The following GAS6 variants were observed in gnomAD, a reference collection of about 807,000 sequenced individuals.
GAS6 encodes the protein growth arrest-specific protein 6.
In GAS6, 41 loss-of-function variants were observed where a neutral mutation model predicts 75.8. That is an observed-to-expected ratio of 0.54 (90% confidence interval 0.42 to 0.70). The LOEUF is 0.70. GAS6 is among the 30% of genes least tolerant of loss of function. The pLI, the probability that GAS6 is intolerant of heterozygous loss-of-function variation, is 0.00. For missense variants in GAS6, 854 were observed against 940.2 expected (o/e 0.91, Z 1.20); for synonymous variants, 432 against 412.6 (o/e 1.05, Z -0.57).
intron 12 of GAS6, among the ~76,000 whole-genome samples, chr13:113,824,075 G>T (rs920666294): frequency 2.0e-4 from 30 of 147,780 alleles, no homozygotes; most frequent in African/African-American, 7.5e-4. Context: ...GCGCGGTCTG[G>T]GGTCTGAGCT....
At chr13:113,858,765 G>A (rs936083490) in intron 2 of GAS6, among the ~76,000 whole-genome samples, 1 of 151,954 alleles carries the variant, frequency 6.6e-6, no homozygotes, top group Non-Finnish European at 1.5e-5. Flanking sequence ...GTGTGTGCGT[G>A]TCATTATGCA....
At chr13:113,834,479 C>A in intron 8 of GAS6, 72 bp downstream of exon 8, 1 of 1,395,866 alleles carries the variant, frequency 7.2e-7, no homozygotes. Flanking sequence ...GGAAGTGTTT[C>A]TCCCGAAAGC....
intron 2 of GAS6, among the ~76,000 whole-genome samples, chr13:113,857,976 C>A (rs940959876): frequency 6.6e-6 from 1 of 152,246 alleles, no homozygotes; most frequent in Non-Finnish European, 1.5e-5. Context: ...GGAGGCCGGG[C>A]CGGGGTCCAC....
At chr13:113,850,873 G>T (rs944988850) in intron 2 of GAS6, among the ~76,000 whole-genome samples, 1 of 152,184 alleles carries the variant, frequency 6.6e-6, no homozygotes, top group Non-Finnish European at 1.5e-5. Flanking sequence ...TAAATGCACA[G>T]ATGAATGAAT....
At chr13:113,828,046 T>C (rs534538367) in intron 11 of GAS6, among the ~76,000 whole-genome samples, 86 of 152,156 alleles carry the variant, frequency 5.7e-4, no homozygotes, top group Non-Finnish European at 7.6e-4. Flanking sequence ...GAGGCCGAGG[T>C]GGGCAGTTCA....
rs952400789 is a variant in GAS6 at position 113,844,677 on chromosome 13, G to A, written c.343+1850C>T. On this transcript the variant is annotated intron_variant, in intron 4 of 14. Coordinates refer to ENST00000327773, the MANE Select transcript of GAS6 (RefSeq NM_000820.4). The surrounding 1 kb of genome is among the most constrained non-coding windows in gnomAD (Gnocchi z 5.7). ...CAGAAAAAAGACTGAGGAGGGCATA[G>A]GAGACCCACCCGCGTGCATGAGGCC... 6.6e-6 allele frequency: 1 copy of A among 150,580 alleles called. No homozygotes were observed. The highest frequency in any genetic ancestry group is 2.5e-5 in the African/African-American group (1 of 40,000). 9.3% of individuals were successfully genotyped at this position (150,580 alleles called of 1,614,324 possible).
chr13:113,832,155 G>A (rs1198503540), intron 10 of GAS6, 144 bp downstream of exon 10: 3 of 916,542 alleles, frequency 3.3e-6, no homozygotes, highest in East Asian at 2.7e-5. Context: ...TGAACTAAAC[G>A]GGGCAGGGGT....
At chr13:113,834,348 G>A (rs902173620) in intron 8 of GAS6, among the ~76,000 whole-genome samples, 1 of 152,238 alleles carries the variant, frequency 6.6e-6, no homozygotes, top group African/African-American at 2.4e-5. Flanking sequence ...TGAGCTGGGA[G>A]TTGCCATAGA....
chr13:113,823,456 C>A lies in GAS6; in HGVS notation c.1572G>T (p.Ala524=). ...CGGCACGGAGGTCGGGGGCCCAGAG[C>A]GCAAACAGCACGCCTGTGTCTGCGG... is the stretch of plus-strand genomic sequence containing the variant. ...RPAADTGVLF[A]LWAPDLRAVP... The change falls in exon 13 of 15, where the codon GCG becomes GCT. Residue 524 remains alanine (A), a synonymous_variant. Coordinates refer to ENST00000327773, the MANE Select transcript of GAS6 (RefSeq NM_000820.4). 1 of 1,612,740 alleles carries A rather than the reference C, an allele frequency of 6.2e-7. No homozygotes were observed. The highest frequency in any genetic ancestry group is 8.5e-7 in the Non-Finnish European group (1 of 1,179,958).
Position 113,821,166 on chromosome 13 carries a change from G to C in GAS6, c.1883-148C>G. ...TTTCTTCTCTAACTTCTCGGTCCCCGTTCGTTTGGCCGCAGACCCGGCAGA... is the reference window on the plus strand; with the variant it reads ...TTTCTTCTCTAACTTCTCGGTCCCCCTTCGTTTGGCCGCAGACCCGGCAGA... On this transcript the variant is annotated intron_variant, in intron 14 of 14. Transcript: ENST00000327773. The C allele has an allele frequency of 4.8e-6, 4 of 832,400 alleles. No individual in the cohort carries two copies. In the East Asian group the frequency reaches 1.1e-4, roughly 22 times the overall value. 51.6% of individuals were successfully genotyped at this position (832,400 alleles called of 1,614,324 possible). A position where few individuals can be genotyped will look rare whatever the true frequency, so the allele number is the denominator to read the frequency against.
chr13:113,846,402 C>A, intron 4 of GAS6, 125 bp downstream of exon 4: 1 of 726,514 alleles, frequency 1.4e-6, no homozygotes, highest in Admixed American at 2.7e-5. Flanking sequence ...AGGGAGCAGG[C>A]CTCGGCAAGG....
rs897584782 is a variant in GAS6 at position 113,863,851 on chromosome 13, C to CCAG, written c.67_69dup (p.Leu23dup). 294 of 1,267,610 alleles carry CCAG rather than the reference C, an allele frequency of 2.3e-4. No homozygotes were observed. The highest frequency in any genetic ancestry group is 2.1e-4 in the Non-Finnish European group (214 of 1,011,368). 78.5% of individuals were successfully genotyped at this position (1,267,610 alleles called of 1,614,324 possible). A position where few individuals can be genotyped will look rare whatever the true frequency, so the allele number is the denominator to read the frequency against. Reference sequence around the variant, plus strand: ...GACTCACCAAGCGCGCACTCCGCGGCCAGCAGCAGCAGCAGCAGCTGCGGC... The same window carrying CCAG: ...GACTCACCAAGCGCGCACTCCGCGGCCAGCAGCAGCAGCAGCAGCAGCTGCGGC... On this transcript the variant is annotated inframe_insertion, in exon 1 of 15. Coordinates refer to ENST00000327773, the MANE Select transcript of GAS6 (RefSeq NM_000820.4). This position sits in a 1 kb window ranked among gnomAD's most constrained non-coding sequence, Gnocchi z 9.4.
At chr13:113,823,727 A>T (rs546190768) in intron 12 of GAS6, among the ~76,000 whole-genome samples, 177 bp from the exon 13 acceptor site, 4 of 152,192 alleles carry the variant, frequency 2.6e-5, no homozygotes, top group Admixed American at 6.5e-5. Flanking sequence ...CCCGGAGCCC[A>T]GAGGCACCGG....
chr13:113,840,080 G>A lies in GAS6; in HGVS notation c.344-230C>T, dbSNP rs558920147. On this transcript the variant is annotated intron_variant, in intron 4 of 14. Coordinates refer to ENST00000327773, the MANE Select transcript of GAS6 (RefSeq NM_000820.4). ...CCAGGAAAACTCAGATCAACTGGGA[G>A]GGAGTGCCAGCAGGCCTGGACGCAA... 14 of 561,390 alleles carry A rather than the reference G, an allele frequency of 2.5e-5. No individual in the cohort carries two copies. The African/African-American group carries it at 2.5e-4, about 10-fold the overall frequency. The allele number at this position is 561,390 out of a possible 1,614,324, so 34.8% of individuals were successfully genotyped here. A position where few individuals can be genotyped will look rare whatever the true frequency, so the allele number is the denominator to read the frequency against.
chr13:113,826,344 G>C (rs1039365638), intron 12 of GAS6, among the ~76,000 whole-genome samples: 1 of 152,186 alleles, frequency 6.6e-6, no homozygotes, highest in South Asian at 2.1e-4. Flanking sequence ...TGCTGTCTCC[G>C]GACTTTCTGC....
Position 113,846,446 on chromosome 13 carries a change from G to T in GAS6, c.343+81C>A. On this transcript the variant is annotated intron_variant, in intron 4 of 14. Transcript: ENST00000327773. Reference sequence around the variant, plus strand: ...CTCCTTAAAAAACAGAACTATTCAGGGCCCTCCACAAACCACAGCCAAGCC... The same window carrying T: ...CTCCTTAAAAAACAGAACTATTCAGTGCCCTCCACAAACCACAGCCAAGCC... 2.5e-6 allele frequency: 3 copies of T among 1,187,816 alleles called. No homozygotes were observed. The South Asian group carries it at 3.7e-5, about 15-fold the overall frequency. 73.6% of individuals were successfully genotyped at this position (1,187,816 alleles called of 1,614,324 possible). A position where few individuals can be genotyped will look rare whatever the true frequency, so the allele number is the denominator to read the frequency against.
At chr13:113,824,256 C>A (rs200360926) in intron 12 of GAS6, among the ~76,000 whole-genome samples, 3 of 49,082 alleles carry the variant, frequency 6.1e-5, no homozygotes, top group East Asian at 1.4e-3. Context: ...TCAGGAGCAC[C>A]CGCGGTCTGG....
intron 2 of GAS6, among the ~76,000 whole-genome samples, chr13:113,855,385 G>A (rs769585792): frequency 3.9e-5 from 6 of 152,228 alleles, no homozygotes; most frequent in Non-Finnish European, 8.8e-5. Context: ...ACAGGATGAG[G>A]ATGCCTGGGT....
At chr13:113,835,220 G>A (rs1479446213) in intron 7 of GAS6, among the ~76,000 whole-genome samples, 2 of 152,224 alleles carry the variant, frequency 1.3e-5, no homozygotes, top group Admixed American at 1.3e-4. Flanking sequence ...CCGTCCCTTT[G>A]GGGAGAGGCC....
Sources: gnomAD v4.1 joint callset for allele counts (sites outside exome capture counted in the v4.1 genomes callset) on GRCh38, gnomAD v4.1.1 for gene constraint, Gnocchi (gnomAD v3.1) non-coding constraint, MANE v1.5 for transcripts, NCBI Gene and HGNC (gene_info 2026-07-23, HGNC 2026-07-21) for gene names.